LCK: variants seen among roughly 807,000 people sequenced by gnomAD.
LCK encodes tyrosine-protein kinase Lck.
A neutral mutation model predicts 64.6 loss-of-function variants in LCK; 14 were observed. That is an observed-to-expected ratio of 0.22 (90% confidence interval 0.14 to 0.34). LCK has a LOEUF of 0.34. Ranked by LOEUF, LCK falls within the 10% of genes least tolerant of loss-of-function variation. The probability of loss-of-function intolerance (pLI) is 1.00; values close to 1 mark genes in which losing one functional copy is unlikely to be tolerated. For missense variants in LCK, 434 were observed against 668.1 expected (o/e 0.65, Z 3.86); for synonymous variants, 277 against 263.6 (o/e 1.05, Z -0.49).
At chr1:32,278,484 A>G (rs1392685261) in intron 9 of LCK, among the ~76,000 whole-genome samples, 4 of 152,148 alleles carry the variant, frequency 2.6e-5, no homozygotes, top group Non-Finnish European at 5.9e-5. Context: ...GACTACAAGC[A>G]TGTGCCACCA....
Position 32,275,727 on chromosome 1 carries a change from G to T in LCK, c.481+55G>T, listed in dbSNP as rs969834765. 288 of 1,479,980 alleles carry T rather than the reference G, an allele frequency of 1.9e-4. No individual in the cohort carries two copies. Among genetic ancestry groups the T allele is most frequent in the Non-Finnish European group, 2.5e-4 (276 of 1,093,726 alleles). The allele number at this position is 1,479,980 out of a possible 1,614,324, so 91.7% of individuals were successfully genotyped here. On this transcript the variant is annotated intron_variant, in intron 6 of 12. Transcript: ENST00000336890. The surrounding 1 kb of genome is among the most constrained non-coding windows in gnomAD (Gnocchi z 6.9). ...GGGGGTGCCCCGGGGTGTGCCCGAG[G>T]GGGGGCGCAGGGTGAGCCCGAGGTG...
chr1:32,285,247 G>C (rs1640580201), intron 12 of LCK, among the ~76,000 whole-genome samples: 1 of 152,006 alleles, frequency 6.6e-6, no homozygotes, highest in African/African-American at 2.4e-5. Flanking sequence ...GTTGCGGTGA[G>C]CCGAGATCGC....
chr1:32,274,326 G>T lies in LCK; in HGVS notation c.-4G>T, dbSNP rs760570145. The T allele has an allele frequency of 6.2e-7, 1 of 1,614,088 alleles. No individual in the cohort carries two copies. Among genetic ancestry groups the T allele is most frequent in the South Asian group, 1.1e-5 (1 of 91,082 alleles). On this transcript the variant is annotated splice_region_variant and 5_prime_UTR_variant, in exon 2 of 13. Coordinates refer to ENST00000336890, the MANE Select transcript of LCK (RefSeq NM_005356.5). The stretch of plus-strand genomic sequence containing the variant: ...CAGCCCCCTCTTCCATTCCCTCAGG[G>T]ACCATGGGCTGTGGCTGCAGCTCAC...
At chr1:32,283,288 CAAAAAA>C (rs888361880) in intron 12 of LCK, among the ~76,000 whole-genome samples, 1 of 53,734 alleles carries the variant, frequency 1.9e-5, no homozygotes, top group African/African-American at 6.7e-5. Flanking sequence ...GACTCTGTCT[CAAAAAA>C]AAAAAAAAAA....
chr1:32,281,252 A>C (rs1640448650), intron 12 of LCK, among the ~76,000 whole-genome samples: 1 of 151,034 alleles, frequency 6.6e-6, no homozygotes, highest in South Asian at 2.1e-4. Flanking sequence ...AACAAGAAAA[A>C]GAGAGACTCC....
intron 12 of LCK, among the ~76,000 whole-genome samples, chr1:32,283,763 G>C (rs551602599): frequency 6.6e-6 from 1 of 152,268 alleles, no homozygotes; most frequent in Admixed American, 6.5e-5. Flanking sequence ...TCATGTGCCT[G>C]GTCTTAAAAC....
chr1:32,274,772 A>G lies in LCK; in HGVS notation c.141A>G (p.Pro47=), dbSNP rs745339412. Residue 47 remains proline, a synonymous_variant, in exon 3 of 13, where the codon CCA becomes CCG. Coordinates refer to ENST00000336890, the MANE Select transcript of LCK (RefSeq NM_005356.5). ...LIRNGSEVRD[P]LVTYEGSNPP... ...GAAATGGCTCTGAGGTGCGGGACCCACTGGTTACCTACGAAGGCTCCAATC... is the reference window on the plus strand; with the variant it reads ...GAAATGGCTCTGAGGTGCGGGACCCGCTGGTTACCTACGAAGGCTCCAATC... 4.5e-5 allele frequency: 73 copies of G among 1,610,276 alleles called. 2 individuals are homozygous for G. In the Admixed American group the frequency reaches 1.1e-3, roughly 24 times the overall value.
At chr1:32,264,247 G>A (rs1639856377) in intron 1 of LCK, among the ~76,000 whole-genome samples, 1 of 152,102 alleles carries the variant, frequency 6.6e-6, no homozygotes, top group Non-Finnish European at 1.5e-5. Flanking sequence ...TTTTTGATGG[G>A]AAATGGACCC....
At chr1:32,261,029 G>GA (rs754313233) in intron 1 of LCK, among the ~76,000 whole-genome samples, 11 of 151,994 alleles carry the variant, frequency 7.2e-5, no homozygotes, top group Non-Finnish European at 1.2e-4. Context: ...AGTTGGAGGA[G>GA]AAAAAATGTT....
Position 32,276,101 on chromosome 1 carries a change from C to A in LCK, c.631+38C>A. ...GGACCCCTCCCCCGTGCCCTATCAG[C>A]CTATCTCCCCTCAGTCCCCCTCAGG... On this transcript the variant is annotated intron_variant, in intron 7 of 12. Coordinates refer to ENST00000336890, the MANE Select transcript of LCK (RefSeq NM_005356.5). The surrounding 1 kb of genome is among the most constrained non-coding windows in gnomAD (Gnocchi z 4.6). The A allele has an allele frequency of 6.2e-7, 1 of 1,608,824 alleles. No individual in the cohort carries two copies. The highest frequency in any genetic ancestry group is 1.3e-5 in the African/African-American group (1 of 74,908).
At chr1:32,284,688 C>T (rs1640563952) in intron 12 of LCK, among the ~76,000 whole-genome samples, 1 of 152,116 alleles carries the variant, frequency 6.6e-6, no homozygotes, top group South Asian at 2.1e-4. Flanking sequence ...ATATTTGATG[C>T]TTTCTGTGCA....
intron 1 of LCK, among the ~76,000 whole-genome samples, chr1:32,269,072 C>G (rs921568766): frequency 6.8e-6 from 1 of 147,238 alleles, no homozygotes; most frequent in African/African-American, 2.5e-5. Context: ...GAGCCCAGAT[C>G]ACACCACTGC....
chr1:32,275,038 G>C lies in LCK; in HGVS notation c.233G>C (p.Gly78Ala), dbSNP rs762005602. The C allele has an allele frequency of 1.2e-6, 2 of 1,614,048 alleles. No homozygotes were observed. Among genetic ancestry groups the C allele is most frequent in the Admixed American group, 1.7e-5 (1 of 60,000 alleles). The change falls in exon 4 of 13, where the codon GGA (glycine) becomes GCA (alanine). Residue 78 changes from glycine (G) to alanine (A), a missense_variant. Physicochemically the swap from Gly to Ala is moderately conservative, Grantham distance 60 (BLOSUM62 0). Around this residue, in one of 2 missense-constraint regions of LCK, gnomAD observed 233 missense variants for 291.2 expected, o/e 0.80. Coordinates refer to ENST00000336890, the MANE Select transcript of LCK (RefSeq NM_005356.5). This position sits in a 1 kb window ranked among gnomAD's most constrained non-coding sequence, Gnocchi z 6.9. ...CACAGCTATGAGCCCTCTCACGACGGAGATCTGGGCTTTGAGAAGGGGGAA... is the reference window on the plus strand; with the variant it reads ...CACAGCTATGAGCCCTCTCACGACGCAGATCTGGGCTTTGAGAAGGGGGAA... Reference protein sequence around the residue: ...ALHSYEPSHDGDLGFEKGEQL... With the variant: ...ALHSYEPSHDADLGFEKGEQL...
intron 1 of LCK, among the ~76,000 whole-genome samples, chr1:32,253,150 G>A (rs186958137): frequency 5.0e-4 from 76 of 152,262 alleles, no homozygotes; most frequent in African/African-American, 1.5e-3. Context: ...CAGATCATTT[G>A]AGGCCAGGAG....
At chr1:32,269,156 G>A (rs1169663362) in intron 1 of LCK, among the ~76,000 whole-genome samples, 1 of 150,172 alleles carries the variant, frequency 6.7e-6, no homozygotes, top group Admixed American at 6.7e-5. Flanking sequence ...AGGAGTCTAG[G>A]CTGGGCATGG....
Position 32,276,090 on chromosome 1 carries a change from T to TATAG in LCK, c.631+27_631+28insATAG, listed in dbSNP as rs1640259895. 1.2e-6 allele frequency: 2 copies of TATAG among 1,612,564 alleles called. No individual in the cohort carries two copies. Among genetic ancestry groups the TATAG allele is most frequent in the African/African-American group, 1.3e-5 (1 of 74,794 alleles). Reference sequence around the variant, plus strand: ...TGAGCCCGACGGGACCCCTCCCCCGTGCCCTATCAGCCTATCTCCCCTCAG... The same window carrying TATAG: ...TGAGCCCGACGGGACCCCTCCCCCGTATAGGCCCTATCAGCCTATCTCCCCTCAG... On this transcript the variant is annotated intron_variant, in intron 7 of 12. Coordinates refer to ENST00000336890, the MANE Select transcript of LCK (RefSeq NM_005356.5). This position sits in a 1 kb window ranked among gnomAD's most constrained non-coding sequence, Gnocchi z 4.6.
chr1:32,283,124 A>G (rs1439254806), intron 12 of LCK, among the ~76,000 whole-genome samples: 1 of 151,958 alleles, frequency 6.6e-6, no homozygotes, highest in Non-Finnish European at 1.5e-5. Context: ...CCCCATCTCT[A>G]CTAAAAATAC....
chr1:32,280,359 T>A lies in LCK; in HGVS notation c.1327+149T>A, dbSNP rs1033285946. ...TATGAGTCCAACGTCCCCAGGCAGA[T>A]GCCACATCTCCCAGGGCTGGCTTCC... On this transcript the variant is annotated intron_variant, in intron 12 of 12. Transcript: ENST00000336890. 1.7e-4 allele frequency: 152 copies of A among 896,388 alleles called. No individual in the cohort carries two copies. In the African/African-American group the frequency reaches 2.4e-3, roughly 14 times the overall value. The allele number at this position is 896,388 out of a possible 1,614,324, so 55.5% of individuals were successfully genotyped here.
intron 1 of LCK, among the ~76,000 whole-genome samples, chr1:32,258,259 G>A (rs574685379): frequency 6.6e-6 from 1 of 150,886 alleles, no homozygotes; most frequent in Non-Finnish European, 1.5e-5. Context: ...CTCCAGCCTG[G>A]GCAACAGAGT....
Sources: gnomAD v4.1 joint callset for allele counts (sites outside exome capture counted in the v4.1 genomes callset) on GRCh38, gnomAD v4.1.1 for gene constraint, gnomAD v4.1.1 regional missense constraint, Gnocchi (gnomAD v3.1) non-coding constraint, MANE v1.5 for transcripts, NCBI Gene and HGNC (gene_info 2026-07-23, HGNC 2026-07-21) for gene names.